Variants in ADCYAP1R1 observed in about 807,000 individuals in gnomAD.
ADCYAP1R1 encodes the protein ADCYAP receptor type I, also known as pituitary adenylate cyclase-activating polypeptide type I receptor.
In ADCYAP1R1, 44 loss-of-function variants were observed where a neutral mutation model predicts 67.6. The ratio of observed to expected loss-of-function variants is 0.65; its 90% CI spans 0.51 to 0.84. ADCYAP1R1 has a LOEUF of 0.84. ADCYAP1R1 is among the 40% of genes least tolerant of loss of function. The pLI, the probability that ADCYAP1R1 is intolerant of heterozygous loss-of-function variation, is 0.00. For synonymous variants in ADCYAP1R1, 222 were observed against 219.6 expected, an observed-to-expected ratio of 1.01 and a Z score of -0.10; for missense variants, 477 against 587.9, an observed-to-expected ratio of 0.81 and a Z score of 1.95.
intron 3 of ADCYAP1R1, among the ~76,000 whole-genome samples, chr7:31,070,047 T>A (rs375809969): frequency 6.6e-6 from 1 of 152,102 alleles, no homozygotes; most frequent in African/African-American, 2.4e-5. Flanking sequence ...GCCAACCACA[T>A]TGGGGGCCAG....
rs1188360177 is a variant in ADCYAP1R1 at position 31,077,994 on chromosome 7, G to A, written c.161G>A (p.Cys54Tyr). The change falls in exon 4 of 16, where the codon TGT becomes TAT. Residue 54 changes from cysteine (C) to tyrosine (Y), a missense_variant. Coordinates refer to ENST00000304166, the MANE Select transcript of ADCYAP1R1 (RefSeq NM_001118.5). ...LMGFNDSSPGCPGMWDNITCW... is the reference protein window; with the variant it reads ...LMGFNDSSPGYPGMWDNITCW... ...ACCATGGCTGTCTTACCCACAGGCTGTCCTGGGATGTGGGACAACATCACG... is the reference window on the plus strand; with the variant it reads ...ACCATGGCTGTCTTACCCACAGGCTATCCTGGGATGTGGGACAACATCACG... The A allele has an allele frequency of 2.5e-6, 4 of 1,607,478 alleles. No homozygotes were observed. In the African/African-American group the frequency reaches 5.3e-5, roughly 21 times the overall value.
intron 13 of ADCYAP1R1, among the ~76,000 whole-genome samples, chr7:31,093,101 A>G (rs1302366337): frequency 6.6e-6 from 1 of 152,186 alleles, no homozygotes; most frequent in Non-Finnish European, 1.5e-5. Flanking sequence ...GAAGCTCATG[A>G]ATACCACTGA....
At chr7:31,053,383 C>T (rs1213462967) in intron 1 of ADCYAP1R1, among the ~76,000 whole-genome samples, 3 of 152,244 alleles carry the variant, frequency 2.0e-5, no homozygotes, top group Non-Finnish European at 4.4e-5. Context: ...TTGAAGTGGG[C>T]CCGCTGAGAC....
chr7:31,072,573 A>G (rs542265267), intron 3 of ADCYAP1R1, among the ~76,000 whole-genome samples: 4 of 152,206 alleles, frequency 2.6e-5, no homozygotes, highest in South Asian at 2.1e-4. Flanking sequence ...CCCCTAGACT[A>G]TAGCCATGTC....
chr7:31,066,635 G>T (rs907953727), intron 3 of ADCYAP1R1, among the ~76,000 whole-genome samples: 4 of 151,410 alleles, frequency 2.6e-5, no homozygotes, highest in Admixed American at 1.3e-4. Context: ...GAATCACTGG[G>T]GAACTTTCAG....
intron 11 of ADCYAP1R1, among the ~76,000 whole-genome samples, chr7:31,087,303 A>C (rs1319479949): frequency 2.0e-5 from 3 of 152,070 alleles, no homozygotes; most frequent in African/African-American, 7.2e-5. Flanking sequence ...GTTGAGGGGG[A>C]GGTCACATCC....
chr7:31,090,967 T>C (rs1220253848), intron 12 of ADCYAP1R1, among the ~76,000 whole-genome samples: 1 of 152,272 alleles, frequency 6.6e-6, no homozygotes, highest in Non-Finnish European at 1.5e-5. Flanking sequence ...ATGATGGTTC[T>C]GTTTTAAGTT....
Position 31,110,573 on chromosome 7 carries a change from G to A in ADCYAP1R1, c.*3889G>A, listed in dbSNP as rs1562666777. Reference sequence around the variant, plus strand: ...AATTTATGCATAGCCCTGCACATGAGCAGAATGTGACACTCAAAGCATCCA... The same window carrying A: ...AATTTATGCATAGCCCTGCACATGAACAGAATGTGACACTCAAAGCATCCA... On this transcript the variant is annotated 3_prime_UTR_variant, in exon 16 of 16. Coordinates refer to ENST00000304166, the MANE Select transcript of ADCYAP1R1 (RefSeq NM_001118.5). The A allele has an allele frequency of 2.0e-5, 3 of 152,430 alleles. No homozygotes were observed. Among genetic ancestry groups the A allele is most frequent in the Admixed American group, 2.0e-4 (3 of 15,286 alleles). 9.4% of individuals were successfully genotyped at this position (152,430 alleles called of 1,614,324 possible).
chr7:31,080,438 G>A lies in ADCYAP1R1; in HGVS notation c.266-175G>A, dbSNP rs544981720. Among the ~76,000 whole-genome samples, 400 of 152,274 alleles carry A rather than the reference G, an allele frequency of 2.6e-3. 17 individuals carry two copies. The South Asian group carries it at 0.078, about 30-fold the overall frequency. On this transcript the variant is annotated intron_variant, in intron 4 of 15. Transcript: ENST00000304166. ...CTTGTTTCTGTTCTGGAGGTCTCCA[G>A]TGTCCCCAGCTTATAGTCCTGATGC...
rs1042362517 is a variant in ADCYAP1R1, at chr7:31,106,750, C to A, written c.*66C>A. ...GGGACCGCAGGCAGGTGCCAGCCCA[C>A]GCATGTTTGCGCCTCTTCCCTCCCC... On this transcript the variant is annotated 3_prime_UTR_variant, in exon 16 of 16. Transcript: ENST00000304166. 1.4e-6 allele frequency: 2 copies of A among 1,476,438 alleles called. No homozygotes were observed. Among genetic ancestry groups the A allele is most frequent in the African/African-American group, 2.8e-5 (2 of 70,994 alleles). 91.5% of individuals were successfully genotyped at this position (1,476,438 alleles called of 1,614,324 possible).
In ADCYAP1R1 at chr7:31,106,449, G is replaced by A. The variant is rs754552363; in HGVS notation, c.1219-47G>A. On this transcript the variant is annotated intron_variant, in intron 15 of 15. Coordinates refer to ENST00000304166, the MANE Select transcript of ADCYAP1R1 (RefSeq NM_001118.5). ...CAGGCCAGGACAGGGCCTGGAGGCT[G>A]CAGAGGATGTCCATCTGGAAGTGAC... 13 of 1,562,828 alleles carry A rather than the reference G, an allele frequency of 8.3e-6. No homozygotes were observed. The South Asian group carries it at 1.6e-4, about 19-fold the overall frequency.
intron 6 of ADCYAP1R1, among the ~76,000 whole-genome samples, chr7:31,082,473 G>A (rs1377985968): frequency 6.6e-6 from 1 of 152,194 alleles, no homozygotes. Context: ...AAAGGAAACC[G>A]CTTTTCCTTC....
At chr7:31,079,378 C>G (rs1795419226) in intron 4 of ADCYAP1R1, among the ~76,000 whole-genome samples, 1 of 152,196 alleles carries the variant, frequency 6.6e-6, no homozygotes, top group Non-Finnish European at 1.5e-5. Context: ...GGCCATCAAG[C>G]CATGGGCGGG....
Position 31,084,719 on chromosome 7 carries a change from T to G in ADCYAP1R1, c.439-18T>G, listed in dbSNP as rs2128630074. ...CAGGTCTCACATGAAGTCCTGCATG[T>G]CCTGTGCTCTGCTTCAGGATTATTA... is the stretch of plus-strand genomic sequence containing the variant. On this transcript the variant is annotated intron_variant, in intron 7 of 15. Coordinates refer to ENST00000304166, the MANE Select transcript of ADCYAP1R1 (RefSeq NM_001118.5). 1 of 1,607,354 alleles carries G rather than the reference T, an allele frequency of 6.2e-7. No homozygotes were observed.
At chr7:31,056,531 T>G (rs1166743167) in intron 1 of ADCYAP1R1, among the ~76,000 whole-genome samples, 1 of 152,056 alleles carries the variant, frequency 6.6e-6, no homozygotes, top group African/African-American at 2.4e-5. Flanking sequence ...CTGCCACCTG[T>G]GGTGGGGGTG....
At chr7:31,077,771 TGTA>T in intron 3 of ADCYAP1R1, among the ~76,000 whole-genome samples, 1 of 149,298 alleles carries the variant, frequency 6.7e-6, no homozygotes, top group Non-Finnish European at 1.5e-5. Flanking sequence ...GTGATGTATG[TGTA>T]GTGTGTGTGT....
Position 31,078,053 on chromosome 7 carries a change from C to T in ADCYAP1R1, c.220C>T (p.Leu74=). The change falls in exon 4 of 16, where the codon CTG becomes TTG. Residue 74 remains leucine, a synonymous_variant. Transcript: ENST00000304166. ...WKPAHVGEMV[L]VSCPELFRIF... ...GCCCGCCCATGTGGGTGAGATGGTC[C>T]TGGTCAGCTGCCCTGAGCTCTTCCG... 6.2e-7 allele frequency: 1 copy of T among 1,613,306 alleles called. No individual in the cohort carries two copies. The highest frequency in any genetic ancestry group is 1.7e-4 in the Middle Eastern group (1 of 6,050).
chr7:31,073,715 TG>T lies in ADCYAP1R1; in HGVS notation c.158-4273del, dbSNP rs148550923. On this transcript the variant is annotated intron_variant, in intron 3 of 15. Transcript: ENST00000304166. ...TGGGAGGTGGTAACTGCAAGAGAAA[TG>T]GGCACCAGGGCATTCTGGGGAGCCC... 1.1e-3 allele frequency among the ~76,000 whole-genome samples: 173 copies of T among 152,050 alleles called. 2 individuals are homozygous for T. In the East Asian group the frequency reaches 0.029, roughly 25 times the overall value.
Position 31,103,271 on chromosome 7 carries a change from C to G in ADCYAP1R1, c.1081C>G (p.Leu361Val). ...LARSTLLLIP[L>V]FGIHYTVFAF... is the part of the protein sequence containing the mutation. The stretch of plus-strand genomic sequence containing the variant: ...CCGGTCCACCCTGCTGCTCATCCCA[C>G]TATTCGGAATCCACTACACAGTATT... The change falls in exon 14 of 16, where the codon CTA becomes GTA. Residue 361 changes from leucine (L) to valine (V), a missense_variant. Physicochemically the swap from Leu to Val is conservative, Grantham distance 32. Transcript: ENST00000304166. 6.2e-7 allele frequency: 1 copy of G among 1,614,172 alleles called. No individual in the cohort carries two copies. Among genetic ancestry groups the G allele is most frequent in the Non-Finnish European group, 8.5e-7 (1 of 1,180,018 alleles).
Sources: gnomAD v4.1 joint callset for allele counts (sites outside exome capture counted in the v4.1 genomes callset) on GRCh38, gnomAD v4.1.1 for gene constraint, MANE v1.5 for transcripts, NCBI Gene and HGNC (gene_info 2026-07-23, HGNC 2026-07-21) for gene names.